The following POPDC2 variants were observed in gnomAD, a reference collection of about 807,000 sequenced individuals.
POPDC2 encodes the protein popeye domain-containing protein 2.
Under a neutral mutation model 30.5 loss-of-function variants are expected in POPDC2, and 24 were observed. That is an observed-to-expected ratio of 0.79 (90% CI 0.57 to 1.11). The LOEUF is 1.11. Ranked by LOEUF, POPDC2 falls within the 50% of genes least tolerant of loss-of-function variation. POPDC2 has a pLI of 0.00. For synonymous variants in POPDC2, 185 were observed against 183.3 expected (o/e 1.01, Z -0.07); for missense variants, 409 against 447.0 (o/e 0.91, Z 0.77).
intron 3 of POPDC2, among the ~76,000 whole-genome samples, chr3:119,643,011 T>C (rs921316789): frequency 6.6e-6 from 1 of 152,170 alleles, no homozygotes; most frequent in Non-Finnish European, 1.5e-5. Flanking sequence ...GCTGCTGTTA[T>C]CCAGAGGGCA....
At chr3:119,655,568 T>C (rs2052870019) in intron 1 of POPDC2, among the ~76,000 whole-genome samples, 1 of 152,296 alleles carries the variant, frequency 6.6e-6, no homozygotes, top group South Asian at 2.1e-4. Flanking sequence ...TACATGAAGA[T>C]TCATGCTTAC....
intron 2 of POPDC2, among the ~76,000 whole-genome samples, chr3:119,649,811 CCTCTT>C (rs555768387): frequency 1.8e-4 from 28 of 152,124 alleles, no homozygotes; most frequent in Non-Finnish European, 3.8e-4. Flanking sequence ...CCATTACCCT[CCTCTT>C]CTCTTCTTTC....
At chr3:119,660,628 T>TTC (rs370359165), upstream of POPDC2, 6,263 of 411,166 alleles carry the variant, frequency 0.015, 48 homozygotes, top group Middle Eastern at 0.034. Flanking sequence ...AAAAACCTCT[T>TTC]TCTCTCTCTC....
chr3:119,643,319 C>T lies in POPDC2; in HGVS notation c.*44-758G>A, dbSNP rs1407573598. 3.2e-6 allele frequency: 4 copies of T among 1,254,474 alleles called. No homozygotes were observed. The Admixed American group carries it at 7.9e-5, about 25-fold the overall frequency. The allele number at this position is 1,254,474 out of a possible 1,614,324, so 77.7% of individuals were successfully genotyped here. A position where few individuals can be genotyped will look rare whatever the true frequency, so the allele number is the denominator to read the frequency against. ...GACATGTGACTTAGCTATTCAGGGGCTAAAGAGCTAGCACATGTTTTCTTT... is the reference window on the plus strand; with the variant it reads ...GACATGTGACTTAGCTATTCAGGGGTTAAAGAGCTAGCACATGTTTTCTTT... On this transcript the variant is annotated intron_variant, in intron 3 of 3. Coordinates refer to ENST00000493094, the MANE Select transcript of POPDC2 (RefSeq NM_001369919.2).
intron 1 of POPDC2, among the ~76,000 whole-genome samples, chr3:119,658,646 T>C (rs2052905957): frequency 6.6e-6 from 1 of 152,260 alleles, no homozygotes; most frequent in African/African-American, 2.4e-5. Flanking sequence ...TTTACATCTA[T>C]ATCTGTTTAC....
chr3:119,645,284 C>T (rs2052732506), intron 3 of POPDC2, among the ~76,000 whole-genome samples: 1 of 152,170 alleles, frequency 6.6e-6, no homozygotes, highest in African/African-American at 2.4e-5. Flanking sequence ...CACTGTAGGC[C>T]GGGCGCAGTG....
In POPDC2 at chr3:119,660,333, G is replaced by A; in HGVS notation, c.91C>T (p.His31Tyr). Reference protein sequence around the residue: ...WKQDVEGAVYHLANCLLLLGF... With the variant: ...WKQDVEGAVYYLANCLLLLGF... The stretch of plus-strand genomic sequence containing the variant: ...AGGAGTAAGAGGCAGTTGGCTAGGT[G>A]GTAGACAGCCCCTTCCACATCCTGC... The change falls in exon 1 of 4, where the codon CAC becomes TAC. Residue 31 changes from histidine (H) to tyrosine (Y), a missense_variant. His to Tyr is a moderately conservative substitution (Grantham distance 83, BLOSUM62 2). Coordinates refer to ENST00000493094, the MANE Select transcript of POPDC2 (RefSeq NM_001369919.2). The A allele has an allele frequency of 6.2e-7, 1 of 1,614,152 alleles. No individual in the cohort carries two copies. Among genetic ancestry groups the A allele is most frequent in the South Asian group, 1.1e-5 (1 of 91,076 alleles).
rs1272153952 is a variant in POPDC2, at chr3:119,642,181, T to C, written c.*424A>G. On this transcript the variant is annotated 3_prime_UTR_variant, in exon 4 of 4. Coordinates refer to ENST00000493094, the MANE Select transcript of POPDC2 (RefSeq NM_001369919.2). The stretch of plus-strand genomic sequence containing the variant: ...GGTGGGTTTCATAACCCCCACTGTT[T>C]ACCGATGAGGCTCACAGAGGCTATG... 4.4e-6 allele frequency: 1 copy of C among 226,436 alleles called. No individual in the cohort carries two copies. The highest frequency in any genetic ancestry group is 8.9e-6 in the Non-Finnish European group (1 of 112,566). 14.0% of individuals were successfully genotyped at this position (226,436 alleles called of 1,614,324 possible).
chr3:119,651,898 T>C (rs557258112), intron 2 of POPDC2, among the ~76,000 whole-genome samples: 2 of 152,326 alleles, frequency 1.3e-5, no homozygotes, highest in Non-Finnish European at 2.9e-5. Flanking sequence ...CCTCCCAAAG[T>C]GCTGGGGTTA....
Position 119,642,836 on chromosome 3 carries a change from T to C in POPDC2, c.*44-275A>G, listed in dbSNP as rs1040886362. On this transcript the variant is annotated intron_variant, in intron 3 of 3. Transcript: ENST00000493094. ...GCTTCCTATGAACGTTCTATAGAAC[T>C]CTACTTCTTACCTAACCCTATCTAA... is the stretch of plus-strand genomic sequence containing the variant. Among the ~76,000 whole-genome samples the C allele has an allele frequency of 7.2e-5, 11 of 152,208 alleles. 1 individual carries two copies. Among genetic ancestry groups the C allele is most frequent in the African/African-American group, 2.7e-4 (11 of 41,450 alleles).
At chr3:119,651,646 G>A (rs1197333652) in intron 2 of POPDC2, among the ~76,000 whole-genome samples, 1 of 119,060 alleles carries the variant, frequency 8.4e-6, no homozygotes, top group Non-Finnish European at 1.7e-5. Flanking sequence ...CCACCCCACC[G>A]CCCCCCTGAG....
chr3:119,660,491 T>C lies in POPDC2; in HGVS notation c.-68A>G, dbSNP rs1577175492. 1 of 1,520,348 alleles carries C rather than the reference T, an allele frequency of 6.6e-7. No homozygotes were observed. Among genetic ancestry groups the C allele is most frequent in the African/African-American group, 1.4e-5 (1 of 72,504 alleles). The allele number at this position is 1,520,348 out of a possible 1,614,324, so 94.2% of individuals were successfully genotyped here. A position where few individuals can be genotyped will look rare whatever the true frequency, so the allele number is the denominator to read the frequency against. ...TCACATAGGAAATTCAGAAAATGAA[T>C]GAATCCATCCGCTCAGGGGTCTTCT... On this transcript the variant is annotated 5_prime_UTR_variant, in exon 1 of 4. Coordinates refer to ENST00000493094, the MANE Select transcript of POPDC2 (RefSeq NM_001369919.2).
chr3:119,660,165 C>A lies in POPDC2; in HGVS notation c.259G>T (p.Val87Phe). 1 of 1,614,200 alleles carries A rather than the reference C, an allele frequency of 6.2e-7. No homozygotes were observed. Among genetic ancestry groups the A allele is most frequent in the Non-Finnish European group, 8.5e-7 (1 of 1,180,036 alleles). The change falls in exon 1 of 4, where the codon GTC (valine) becomes TTC (phenylalanine). Residue 87 changes from valine to phenylalanine, a missense_variant. By Grantham distance (50) the Val-to-Phe change is conservative. Coordinates refer to ENST00000493094, the MANE Select transcript of POPDC2 (RefSeq NM_001369919.2). ...IVLWSFLLAV[V>F]CLLQLAHLVY... Reference sequence around the variant, plus strand: ...AGGTGTGCCAGCTGGAGCAGGCAGACCACAGCCAGCAGGAAGCTCCAAAGA... The same window carrying A: ...AGGTGTGCCAGCTGGAGCAGGCAGAACACAGCCAGCAGGAAGCTCCAAAGA...
In POPDC2 at chr3:119,642,215, C is replaced by T. The variant is rs1728; in HGVS notation, c.*390G>A. ...GGCTCACAGAGGCTATGTAACTTGC[C>T]CAAGATTCTGCAGCTGGTAAAGGAC... On this transcript the variant is annotated 3_prime_UTR_variant, in exon 4 of 4. Coordinates refer to ENST00000493094, the MANE Select transcript of POPDC2 (RefSeq NM_001369919.2). 4,420 of 302,482 alleles carry T rather than the reference C, an allele frequency of 0.015. 40 individuals are homozygous for T. Among genetic ancestry groups the T allele is most frequent in the Non-Finnish European group, 0.019 (2,929 of 157,598 alleles). 18.7% of individuals were successfully genotyped at this position (302,482 alleles called of 1,614,324 possible).
rs761658216 is a variant in POPDC2 at position 119,660,293 on chromosome 3, C to A, written c.131G>T (p.Gly44Val). The change falls in exon 1 of 4, where the codon GGC (glycine) becomes GTC (valine). Residue 44 changes from glycine to valine, a missense_variant. By Grantham distance (109) the Gly-to-Val change is moderately radical. Coordinates refer to ENST00000493094, the MANE Select transcript of POPDC2 (RefSeq NM_001369919.2). ...NCLLLLGFMGGSGVYGCFYLF... is the reference protein window; with the variant it reads ...NCLLLLGFMGVSGVYGCFYLF... Reference sequence around the variant, plus strand: ...ATAGAAGCATCCATACACCCCACTGCCCCCCATGAAGCCCAGGAGTAAGAG... The same window carrying A: ...ATAGAAGCATCCATACACCCCACTGACCCCCATGAAGCCCAGGAGTAAGAG... The A allele has an allele frequency of 7.9e-5, 127 of 1,613,704 alleles. No individual in the cohort carries two copies. Among genetic ancestry groups the A allele is most frequent in the Admixed American group, 3.3e-5 (2 of 60,004 alleles).
rs1413652141 is a variant in POPDC2 at position 119,660,529 on chromosome 3, C to T, written c.-106G>A. On this transcript the variant is annotated 5_prime_UTR_variant, in exon 1 of 4. Transcript: ENST00000493094. ...TCAGGGGTCTTCTCACCTCCGGCTT[C>T]TCACTACCGACTCCACCTTTCCTAG... 8 of 1,306,504 alleles carry T rather than the reference C, an allele frequency of 6.1e-6. No individual in the cohort carries two copies. Among genetic ancestry groups the T allele is most frequent in the Non-Finnish European group, 8.2e-6 (8 of 974,494 alleles). The allele number at this position is 1,306,504 out of a possible 1,614,324, so 80.9% of individuals were successfully genotyped here.
At chr3:119,650,901 G>A (rs149106678) in intron 2 of POPDC2, among the ~76,000 whole-genome samples, 45 of 152,300 alleles carry the variant, frequency 3.0e-4, no homozygotes, top group South Asian at 1.7e-3. Context: ...CTAGTCCCCC[G>A]AAAGCAGCTC....
At chr3:119,653,517 G>A (rs13062697) in intron 2 of POPDC2, among the ~76,000 whole-genome samples, 18 of 149,296 alleles carry the variant, frequency 1.2e-4, no homozygotes, top group South Asian at 6.3e-4. Flanking sequence ...TCACTCTGTC[G>A]CCCAGGCTGG....
chr3:119,654,448 A>G lies in POPDC2; in HGVS notation c.600+57T>C, dbSNP rs2052853992. On this transcript the variant is annotated intron_variant, in intron 2 of 3. Transcript: ENST00000493094. ...AGAGGGGAAACATGGAGGCACGGAT[A>G]TTGCTGGGCTACAGTGGGATGGGGT... 1.4e-5 allele frequency: 16 copies of G among 1,171,670 alleles called. No homozygotes were observed. The South Asian group carries it at 2.0e-4, about 14-fold the overall frequency. 72.6% of individuals were successfully genotyped at this position (1,171,670 alleles called of 1,614,324 possible). A position where few individuals can be genotyped will look rare whatever the true frequency, so the allele number is the denominator to read the frequency against.
Sources: gnomAD v4.1 joint callset for allele counts (sites outside exome capture counted in the v4.1 genomes callset) on GRCh38, gnomAD v4.1.1 for gene constraint, MANE v1.5 for transcripts, NCBI Gene and HGNC (gene_info 2026-07-23, HGNC 2026-07-21) for gene names.